The following ASH1L variants were observed in gnomAD, a reference collection of about 807,000 sequenced individuals.
The protein encoded by ASH1L is ASH1 like histone lysine methyltransferase.
ASH1L carries 23 observed loss-of-function variants against 269.0 expected under a neutral mutation model. That is an observed-to-expected ratio of 0.09 (90% CI 0.06 to 0.12). The LOEUF (loss-of-function observed/expected upper bound fraction) is 0.12. Among genes scored for constraint, ASH1L ranks in the 10% least tolerant of loss-of-function variants. The pLI is 1.00. For synonymous variants in ASH1L, 1,187 were observed against 1,253.5 expected (o/e 0.95, Z 1.12); for missense variants, 2,912 against 3,567.8 (o/e 0.82, Z 4.68).
intron 3 of ASH1L, among the ~76,000 whole-genome samples, chr1:155,466,887 C>G (rs1339695483): frequency 6.6e-6 from 1 of 152,072 alleles, no homozygotes; most frequent in Non-Finnish European, 1.5e-5. Context: ...AAAGCTTATA[C>G]TCTTCAGTTA....
chr1:155,347,731 C>T lies in ASH1L; in HGVS notation c.7728G>A (p.Lys2576=). The part of the protein sequence containing the change: ...SVSEKENGHE[K]DDDVIRCICG... ...AGATACAGCGAATAACATCGTCGTC[C>T]TTCTCATGCCCATTCTCCTTTTCAG... The change falls in exon 20 of 28, where the codon AAG becomes AAA. Residue 2576 remains lysine, a synonymous_variant. Coordinates refer to ENST00000392403, the MANE Select transcript of ASH1L (RefSeq NM_018489.3). 2 of 1,614,218 alleles carry T rather than the reference C, an allele frequency of 1.2e-6. No individual in the cohort carries two copies. Among genetic ancestry groups the T allele is most frequent in the African/African-American group, 1.3e-5 (1 of 75,050 alleles).
chr1:155,380,417 T>C (rs926711817), intron 7 of ASH1L, among the ~76,000 whole-genome samples: 9 of 152,050 alleles, frequency 5.9e-5, no homozygotes, highest in Non-Finnish European at 1.3e-4. Context: ...TATTAAAAAT[T>C]ATTAAGGGTA....
At position 155,482,277 on chromosome 1, in the gene ASH1L, C is replaced by A. The variant is rs1490741895; in HGVS notation, c.593G>T (p.Gly198Val). The A allele has an allele frequency of 3.1e-6, 5 of 1,613,998 alleles. No homozygotes were observed. The highest frequency in any genetic ancestry group is 1.7e-5 in the Admixed American group (1 of 59,986). The change falls in exon 3 of 28, where the codon GGT becomes GTT. Residue 198 changes from glycine (G) to valine (V), a missense_variant. Physicochemically the swap from Gly to Val is moderately radical, Grantham distance 109. Around this residue, in one of 13 missense-constraint regions of ASH1L, gnomAD observed 277 missense variants for 367.7 expected, o/e 0.75. Transcript: ENST00000392403. Reference protein sequence around the residue: ...YINATPSTLLGSRDPDLKDRA... With the variant: ...YINATPSTLLVSRDPDLKDRA... ...GTCCTTTAAATCAGGATCCCGGCTACCAAGAAGAGTAGATGGCGTTGCATT... is the reference window on the plus strand; with the variant it reads ...GTCCTTTAAATCAGGATCCCGGCTAACAAGAAGAGTAGATGGCGTTGCATT...
At chr1:155,529,206 C>A (rs1453496886) in intron 1 of ASH1L, among the ~76,000 whole-genome samples, 3 of 152,120 alleles carry the variant, frequency 2.0e-5, no homozygotes, top group Non-Finnish European at 2.9e-5. Flanking sequence ...TGGGTATATA[C>A]CCAGTAACGG....
rs959402212 is a variant in ASH1L, at chr1:155,335,941, CG to C, written c.*1718del. On this transcript the variant is annotated 3_prime_UTR_variant, in exon 28 of 28. Transcript: ENST00000392403. ...TGAAAAACAAAAGAAACCACTCAAA[CG>C]GGCTTGGACATGCGATTTTTCCAGC... is the stretch of plus-strand genomic sequence containing the variant. 7.4e-5 allele frequency: 11 copies of C among 149,070 alleles called. No individual in the cohort carries two copies. The highest frequency in any genetic ancestry group is 2.4e-4 in the African/African-American group (10 of 40,858). 9.2% of individuals were successfully genotyped at this position (149,070 alleles called of 1,614,324 possible).
chr1:155,376,658 A>T (rs1456044119), intron 10 of ASH1L, among the ~76,000 whole-genome samples: 1 of 151,788 alleles, frequency 6.6e-6, no homozygotes, highest in African/African-American at 2.4e-5. Context: ...CAGCCTGGCG[A>T]CAGAGCGCGA....
chr1:155,439,200 G>T, intron 4 of ASH1L, 132 bp from the exon 5 acceptor site: 2 of 970,468 alleles, frequency 2.1e-6, no homozygotes, highest in South Asian at 2.4e-5. Context: ...TAAATTGATG[G>T]TTTACTTTCC....
At chr1:155,513,774 G>C (rs1218682786) in intron 2 of ASH1L, among the ~76,000 whole-genome samples, 4 of 151,952 alleles carry the variant, frequency 2.6e-5, no homozygotes, top group Non-Finnish European at 5.9e-5. Context: ...AGCAATACCA[G>C]TGGCCATCCA....
At position 155,348,899 on chromosome 1, in the gene ASH1L, A is replaced by AATAT. The variant is rs1553243192; in HGVS notation, c.7554+424_7554+427dup. ...CTGTCTCATTTAAAAAAAAAAAAAA[A>AATAT]ATATATATATATACACACACACACA... On this transcript the variant is annotated intron_variant, in intron 19 of 27. Coordinates refer to ENST00000392403, the MANE Select transcript of ASH1L (RefSeq NM_018489.3). Among the ~76,000 whole-genome samples the AATAT allele has an allele frequency of 6.0e-4, 79 of 132,666 alleles. 1 individual carries two copies. The East Asian group carries it at 6.6e-3, about 11-fold the overall frequency. 87.0% of individuals were successfully genotyped at this position (132,666 alleles called of 152,430 possible).
intron 1 of ASH1L, among the ~76,000 whole-genome samples, chr1:155,531,798 T>G (rs1037235545): frequency 3.3e-5 from 5 of 152,176 alleles, no homozygotes; most frequent in Non-Finnish European, 7.3e-5. Context: ...ATACCAAATT[T>G]AAGAGTTTCT....
At chr1:155,422,301 T>TC (rs1553254789) in intron 5 of ASH1L, among the ~76,000 whole-genome samples, 2 of 135,506 alleles carry the variant, frequency 1.5e-5, no homozygotes, top group African/African-American at 5.6e-5. Flanking sequence ...CACGCCCAGC[T>TC]AATTTTTTTT....
chr1:155,454,970 C>G (rs899559722), intron 4 of ASH1L, among the ~76,000 whole-genome samples: 2 of 152,012 alleles, frequency 1.3e-5, no homozygotes, highest in Non-Finnish European at 2.9e-5. Flanking sequence ...AACTACCTCT[C>G]TCATCAATGT....
At chr1:155,428,764 G>C (rs1330013273) in intron 5 of ASH1L, among the ~76,000 whole-genome samples, 1 of 152,172 alleles carries the variant, frequency 6.6e-6, no homozygotes, top group Non-Finnish European at 1.5e-5. Context: ...TTTCCCATAA[G>C]AGATACTTTT....
At chr1:155,535,818 G>A (rs1048652474) in intron 1 of ASH1L, among the ~76,000 whole-genome samples, 1 of 151,966 alleles carries the variant, frequency 6.6e-6, no homozygotes, top group Non-Finnish European at 1.5e-5. Context: ...GACCAACATG[G>A]AAAAACACTG....
intron 21 of ASH1L, among the ~76,000 whole-genome samples, chr1:155,345,722 CTGCCACTG>C (rs1376976228): frequency 6.6e-6 from 1 of 151,100 alleles, no homozygotes; most frequent in African/African-American, 2.4e-5. Context: ...TTACAGGCAC[CTGCCACTG>C]TGCCTGGCTA....
intron 1 of ASH1L, among the ~76,000 whole-genome samples, chr1:155,545,397 T>C (rs1052959046): frequency 6.6e-6 from 1 of 151,298 alleles, no homozygotes; most frequent in East Asian, 1.9e-4. Context: ...TATAGAAAAA[T>C]AAAAGTACCA....
intron 1 of ASH1L, among the ~76,000 whole-genome samples, chr1:155,547,192 C>A (rs1670890713): frequency 6.6e-6 from 1 of 151,274 alleles, no homozygotes; most frequent in Non-Finnish European, 1.5e-5. Flanking sequence ...ACCTCGTGAT[C>A]TGCCCGCCTT....
intron 2 of ASH1L, 145 bp from the exon 3 acceptor site, chr1:155,482,594 T>C (rs530451793): frequency 5.2e-6 from 4 of 763,498 alleles, no homozygotes; most frequent in South Asian, 1.9e-5. Flanking sequence ...ATTATACTTA[T>C]GTCACAGTAT....
chr1:155,463,158 C>T (rs902285887), intron 3 of ASH1L, among the ~76,000 whole-genome samples: 2 of 152,056 alleles, frequency 1.3e-5, no homozygotes, highest in Non-Finnish European at 2.9e-5. Flanking sequence ...CCAGATAATG[C>T]CCAGAGAACT....
Sources: allele counts gnomAD v4.1 joint callset (sites outside exome capture counted in the v4.1 genomes callset), GRCh38; gene constraint gnomAD v4.1.1; regional missense constraint gnomAD v4.1.1; transcripts MANE v1.5; gene names NCBI Gene and HGNC (gene_info 2026-07-23, HGNC 2026-07-21).